Variants in USH2A observed in about 807,000 individuals in gnomAD.
The protein encoded by USH2A is usherin, also known as Usher syndrome 2A (autosomal recessive, mild).
A neutral mutation model predicts 538.9 loss-of-function variants in USH2A; 443 were observed. The ratio of observed to expected loss-of-function variants is 0.82; its 90% CI spans 0.76 to 0.89. The LOEUF is 0.89. Ranked by LOEUF, USH2A falls within the 40% of genes least tolerant of loss-of-function variation. The pLI is 0.00. For missense variants in USH2A, 6,633 were observed against 6,324.8 expected, an observed-to-expected ratio of 1.05 and a Z score of -1.65; for synonymous variants, 2,413 against 2,273.5, an observed-to-expected ratio of 1.06 and a Z score of -1.75.
chr1:215,883,097 G>A (rs1664958473), intron 41 of USH2A, among the ~76,000 whole-genome samples: 1 of 151,922 alleles, frequency 6.6e-6, no homozygotes, highest in African/African-American at 2.4e-5. Flanking sequence ...AATATTACTT[G>A]TTTCTTTAAT....
rs912414812 is a variant in USH2A, at chr1:216,022,469, T to C, written c.6326-21907A>G. Among the ~76,000 whole-genome samples, 4 of 152,294 alleles carry C rather than the reference T, an allele frequency of 2.6e-5. No individual in the cohort carries two copies. In the South Asian group the frequency reaches 6.2e-4, roughly 24 times the overall value. The stretch of plus-strand genomic sequence containing the variant: ...TGAGAGAAATCGGAGCCAGGTATGG[T>C]GCCCTGGTTCTCAGAAGAGAGAGAT... On this transcript the variant is annotated intron_variant, in intron 32 of 71. Coordinates refer to ENST00000307340, the MANE Select transcript of USH2A (RefSeq NM_206933.4).
chr1:215,791,844 G>A (rs930012498), intron 50 of USH2A, among the ~76,000 whole-genome samples: 1 of 152,006 alleles, frequency 6.6e-6, no homozygotes, highest in African/African-American at 2.4e-5. Flanking sequence ...GCATATGTAT[G>A]TGTATATATA....
intron 64 of USH2A, among the ~76,000 whole-genome samples, chr1:215,657,816 T>C (rs1657309677): frequency 6.6e-6 from 1 of 152,170 alleles, no homozygotes; most frequent in Non-Finnish European, 1.5e-5. Flanking sequence ...CTACTGCTTC[T>C]CATACCGCCT....
chr1:215,897,681 G>T (rs557469594), intron 40 of USH2A, among the ~76,000 whole-genome samples: 1 of 150,190 alleles, frequency 6.7e-6, no homozygotes, highest in African/African-American at 2.5e-5. Context: ...AGAGTGAAAC[G>T]CTGTCTCAAA....
intron 15 of USH2A, among the ~76,000 whole-genome samples, chr1:216,212,363 T>A (rs550006356): frequency 2.0e-5 from 3 of 152,190 alleles, no homozygotes; most frequent in Non-Finnish European, 4.4e-5. Flanking sequence ...ATAATATTAT[T>A]AAATCTTGAG....
intron 64 of USH2A, among the ~76,000 whole-genome samples, chr1:215,657,927 ATTTTT>A (rs59977028): frequency 2.0e-5 from 2 of 97,754 alleles, no homozygotes; most frequent in Non-Finnish European, 2.2e-5. Flanking sequence ...ATTTGCCCTG[ATTTTT>A]TTTTTTTTTT....
At chr1:216,217,000 AT>A (rs975217723) in intron 15 of USH2A, among the ~76,000 whole-genome samples, 9 of 152,108 alleles carry the variant, frequency 5.9e-5, no homozygotes, top group African/African-American at 1.9e-4. Context: ...TCAAAAAAAA[AT>A]AACTTACCTG....
At chr1:215,870,458 CTTTTTTT>C in intron 43 of USH2A, among the ~76,000 whole-genome samples, 1 of 123,138 alleles carries the variant, frequency 8.1e-6, no homozygotes, top group South Asian at 2.7e-4. Context: ...CCACTCCTAG[CTTTTTTT>C]TTTTTTTTTT....
chr1:216,302,332 A>G (rs2102624186), intron 9 of USH2A, among the ~76,000 whole-genome samples: 1 of 152,302 alleles, frequency 6.6e-6, no homozygotes, highest in Middle Eastern at 3.4e-3. Context: ...GAATAGTAAC[A>G]TTAAAGGTTT....
chr1:216,201,145 A>G (rs2034989700), intron 16 of USH2A, among the ~76,000 whole-genome samples: 1 of 150,808 alleles, frequency 6.6e-6, no homozygotes, highest in South Asian at 2.1e-4. Context: ...TCTATTTACA[A>G]TATATATGGG....
intron 61 of USH2A, among the ~76,000 whole-genome samples, chr1:215,708,343 G>A (rs916105795): frequency 2.0e-5 from 3 of 152,154 alleles, no homozygotes; most frequent in African/African-American, 7.2e-5. Context: ...TATATTAGAT[G>A]CATACACATA....
chr1:215,907,909 A>C (rs966647580), intron 38 of USH2A, among the ~76,000 whole-genome samples: 2 of 151,976 alleles, frequency 1.3e-5, no homozygotes, highest in Non-Finnish European at 2.9e-5. Flanking sequence ...AAAGATCTGC[A>C]GAGAAAATTA....
intron 61 of USH2A, among the ~76,000 whole-genome samples, chr1:215,690,726 T>G: frequency 1.5e-5 from 1 of 66,492 alleles, no homozygotes; most frequent in South Asian, 1.0e-3. Flanking sequence ...TTTGGATTCA[T>G]TTTCTCTTTT....
chr1:216,350,592 C>T (rs2102689879), intron 4 of USH2A, among the ~76,000 whole-genome samples: 1 of 152,218 alleles, frequency 6.6e-6, no homozygotes, highest in East Asian at 1.9e-4. Flanking sequence ...AATTTTAGTG[C>T]TCCAAAATAA....
chr1:216,120,120 T>C (rs1037634958), intron 21 of USH2A, among the ~76,000 whole-genome samples: 2 of 151,512 alleles, frequency 1.3e-5, no homozygotes, highest in Non-Finnish European at 2.9e-5. Flanking sequence ...GCAAGTTTTG[T>C]TTGAGATACT....
At chr1:216,202,666 T>C (rs1225746298) in intron 16 of USH2A, among the ~76,000 whole-genome samples, 2 of 152,150 alleles carry the variant, frequency 1.3e-5, no homozygotes, top group Non-Finnish European at 2.9e-5. Flanking sequence ...TTTGTAGCAC[T>C]CCCCCATTGT....
intron 58 of USH2A, among the ~76,000 whole-genome samples, chr1:215,752,240 G>A (rs142301999): frequency 3.3e-5 from 5 of 152,192 alleles, no homozygotes; most frequent in Admixed American, 6.5e-5. Context: ...GTGGAGGCTC[G>A]CTCACCATTG....
intron 67 of USH2A, among the ~76,000 whole-genome samples, chr1:215,644,802 G>A (rs1441536778): frequency 6.6e-6 from 1 of 152,192 alleles, no homozygotes; most frequent in Non-Finnish European, 1.5e-5. Flanking sequence ...TATGGGCAAA[G>A]CATCTGCAGA....
chr1:216,389,467 T>G (rs1265474077), intron 3 of USH2A, among the ~76,000 whole-genome samples: 2 of 152,186 alleles, frequency 1.3e-5, no homozygotes, highest in African/African-American at 4.8e-5. Flanking sequence ...TAGCATTTCT[T>G]CCAGAGAAAT....
Sources: allele counts gnomAD v4.1 joint callset (sites outside exome capture counted in the v4.1 genomes callset), GRCh38; gene constraint gnomAD v4.1.1; transcripts MANE v1.5; gene names NCBI Gene and HGNC (gene_info 2026-07-23, HGNC 2026-07-21).